The following ZPBP variants were observed in gnomAD, a reference collection of about 807,000 sequenced individuals.
The protein encoded by ZPBP is zona pellucida-binding protein 1.
Under a neutral mutation model 44.8 loss-of-function variants are expected in ZPBP, and 26 were observed. The observed-to-expected ratio is 0.58, with a 90% CI of 0.43 to 0.81. The LOEUF (loss-of-function observed/expected upper bound fraction) is 0.81, where lower values mean the gene tolerates loss of function less well. Among genes scored for constraint, ZPBP ranks in the 30% least tolerant of loss-of-function variants. ZPBP has a pLI of 0.00. For missense variants in ZPBP, 409 were observed against 434.0 expected (o/e 0.94, Z 0.51); for synonymous variants, 174 against 153.2 (o/e 1.14, Z -1.00).
At chr7:49,890,392 G>A (rs950682882) in intron 2 of ZPBP, among the ~76,000 whole-genome samples, 2 of 152,202 alleles carry the variant, frequency 1.3e-5, no homozygotes, top group African/African-American at 4.8e-5. Context: ...ACAACAGTCA[G>A]TATGGAAAGG....
downstream of ZPBP, among the ~76,000 whole-genome samples, chr7:49,934,255 A>G (rs1021397191): frequency 9.2e-5 from 14 of 152,182 alleles, no homozygotes; most frequent in Non-Finnish European, 1.8e-4. Context: ...GACTGGCTAA[A>G]AAGAATCATT....
intron 3 of ZPBP, among the ~76,000 whole-genome samples, chr7:50,062,822 C>T (rs1801309212): frequency 6.6e-6 from 1 of 152,126 alleles, no homozygotes; most frequent in Non-Finnish European, 1.5e-5. Flanking sequence ...CAGATGAGCA[C>T]TCATAGTGCC....
At chr7:49,908,716 G>A (rs1205682239) in intron 1 of ZPBP, among the ~76,000 whole-genome samples, 1 of 152,112 alleles carries the variant, frequency 6.6e-6, no homozygotes, top group Non-Finnish European at 1.5e-5. Flanking sequence ...ATATGGGCAA[G>A]ATCAGCTGAA....
rs111590899 is a variant in ZPBP, at chr7:49,983,341, C to A, written c.961+1G>T. On this transcript the variant is annotated splice_donor_variant, in intron 7 of 7. Coordinates refer to ENST00000046087, the MANE Select transcript of ZPBP (RefSeq NM_007009.3). LOFTEE classifies it high-confidence loss of function. ...ACATGAAATCATAATTCATTACATACCACAGCACTCAGGACATTTTGGATG... is the reference window on the plus strand; with the variant it reads ...ACATGAAATCATAATTCATTACATAACACAGCACTCAGGACATTTTGGATG... 2.5e-6 allele frequency: 4 copies of A among 1,612,982 alleles called. No homozygotes were observed. The highest frequency in any genetic ancestry group is 1.3e-5 in the African/African-American group (1 of 74,872).
chr7:50,015,209 T>C (rs1226345992), intron 6 of ZPBP, among the ~76,000 whole-genome samples: 1 of 151,702 alleles, frequency 6.6e-6, no homozygotes, highest in Non-Finnish European at 1.5e-5. Flanking sequence ...AAAGTTTCCA[T>C]GGGACAGGAA....
chr7:49,949,053 A>T (rs1415836503), intron 7 of ZPBP, among the ~76,000 whole-genome samples: 1 of 152,104 alleles, frequency 6.6e-6, no homozygotes, highest in East Asian at 1.9e-4. Flanking sequence ...ATCTGATAAG[A>T]TTAATCTCCT....
the ZPBP span, among the ~76,000 whole-genome samples, chr7:49,841,823 A>T: frequency 1.3e-5 from 2 of 152,092 alleles, no homozygotes; most frequent in Non-Finnish European, 2.9e-5. Flanking sequence ...TGTTTATATT[A>T]TGCTTGATAG....
chr7:49,877,480 AAATATATATATATATAT>A lies in ZPBP; in HGVS notation n.509+23621_509+23637del, dbSNP rs1406787757. ...TCTGTCTCAAAAAAAAAAAAAAAAA[AAATATATATATATATAT>A]ATATATATATATATATATATAGTTA... is the stretch of plus-strand genomic sequence containing the variant. On this transcript the variant is annotated intron_variant and non_coding_transcript_variant, in intron 2 of 2. Coordinates refer to the ZPBP transcript ENST00000465922. Among the ~76,000 whole-genome samples the A allele has an allele frequency of 2.1e-4, 5 of 23,524 alleles. 1 individual carries two copies. Among genetic ancestry groups the A allele is most frequent in the Admixed American group, 1.8e-3 (3 of 1,630 alleles). 15.4% of individuals were successfully genotyped at this position (23,524 alleles called of 152,430 possible). A position where few individuals can be genotyped will look rare whatever the true frequency, so the allele number is the denominator to read the frequency against.
intron 4 of ZPBP, among the ~76,000 whole-genome samples, chr7:50,032,518 T>C (rs746838663): frequency 1.3e-5 from 2 of 152,152 alleles, no homozygotes; most frequent in Non-Finnish European, 2.9e-5. Context: ...CTCTTCTGAG[T>C]GTCCAGCAGA....
intron 2 of ZPBP, among the ~76,000 whole-genome samples, chr7:49,855,852 C>T (rs1226241483): frequency 6.6e-6 from 1 of 152,144 alleles, no homozygotes; most frequent in Non-Finnish European, 1.5e-5. Context: ...ACCTGGCTCC[C>T]CTGCTGATTC....
intron 7 of ZPBP, chr7:49,944,168 C>A: frequency 3.3e-6 from 1 of 300,188 alleles, no homozygotes; most frequent in South Asian, 3.6e-5. Context: ...TTTTTGTAAT[C>A]ATGACTGCTT....
chr7:49,907,287 A>T (rs1793154950), intron 1 of ZPBP, among the ~76,000 whole-genome samples: 1 of 152,224 alleles, frequency 6.6e-6, no homozygotes, highest in Admixed American at 6.5e-5. Context: ...TGAAGTGGAG[A>T]GGATAAATGG....
intron 2 of ZPBP, among the ~76,000 whole-genome samples, chr7:49,882,460 T>G (rs546141911): frequency 7.2e-4 from 109 of 151,984 alleles, no homozygotes; most frequent in Non-Finnish European, 1.3e-3. Context: ...ATTTTCACTG[T>G]AAAGAGAAAG....
At chr7:49,988,858 T>G (rs1266582879) in intron 6 of ZPBP, among the ~76,000 whole-genome samples, 1 of 152,222 alleles carries the variant, frequency 6.6e-6, no homozygotes, top group African/African-American at 2.4e-5. Flanking sequence ...AAAACTGAAG[T>G]AATGTTTTCA....
intron 1 of ZPBP, among the ~76,000 whole-genome samples, chr7:49,923,568 A>T (rs1212043396): frequency 1.3e-5 from 2 of 152,142 alleles, no homozygotes; most frequent in Middle Eastern, 3.4e-3. Flanking sequence ...CACCGTGTCT[A>T]CTGTTTTGCT....
At chr7:50,031,702 C>G (rs567895957) in intron 4 of ZPBP, among the ~76,000 whole-genome samples, 5 of 152,150 alleles carry the variant, frequency 3.3e-5, no homozygotes, top group African/African-American at 1.2e-4. Context: ...CAACACTTCT[C>G]TAAGTTTAAA....
downstream of ZPBP, chr7:49,850,444 A>C (rs977905222): frequency 6.6e-6 from 1 of 152,280 alleles, no homozygotes; most frequent in African/African-American, 2.4e-5. Context: ...TTATAAGCCA[A>C]GTATTCCTGG....
intron 7 of ZPBP, among the ~76,000 whole-genome samples, chr7:49,976,458 G>A (rs1359700919): frequency 1.3e-5 from 2 of 152,032 alleles, no homozygotes; most frequent in African/African-American, 2.4e-5. Flanking sequence ...ATTTCAGCAC[G>A]TAAACATGTC....
At chr7:50,025,051 C>T (rs1432507105) in intron 5 of ZPBP, among the ~76,000 whole-genome samples, 1 of 151,582 alleles carries the variant, frequency 6.6e-6, no homozygotes, top group Non-Finnish European at 1.5e-5. Flanking sequence ...AATGAAATGC[C>T]ATTACACTAA....
Sources: allele counts gnomAD v4.1 joint callset (sites outside exome capture counted in the v4.1 genomes callset), GRCh38; gene constraint gnomAD v4.1.1; transcripts MANE v1.5; gene names NCBI Gene and HGNC (gene_info 2026-07-23, HGNC 2026-07-21).